The following SEC24D variants were observed in gnomAD, a reference collection of about 807,000 sequenced individuals.
SEC24D encodes the protein protein transport protein Sec24D.
SEC24D carries 69 observed loss-of-function variants against 116.9 expected under a neutral mutation model. The observed-to-expected ratio is 0.59, with a 90% CI of 0.49 to 0.72. SEC24D has a LOEUF of 0.72. Among genes scored for constraint, SEC24D ranks in the 30% least tolerant of loss-of-function variants. The pLI is 0.00. For synonymous variants in SEC24D, 405 were observed against 442.8 expected, an observed-to-expected ratio of 0.91 and a Z score of 1.07; for missense variants, 1,131 against 1,264.1, an observed-to-expected ratio of 0.89 and a Z score of 1.60.
Position 118,732,810 on chromosome 4 carries a change from C to T in SEC24D, c.2599G>A (p.Ala867Thr), listed in dbSNP as rs746890204. The T allele has an allele frequency of 2.5e-6, 4 of 1,614,016 alleles. No individual in the cohort carries two copies. Among genetic ancestry groups the T allele is most frequent in the Non-Finnish European group, 1.7e-6 (2 of 1,179,988 alleles). Residue 867 changes from alanine (A) to threonine (T), a missense_variant, in exon 20 of 23, where the codon GCA (alanine) becomes ACA (threonine). By Grantham distance (58) the Ala-to-Thr change is moderately conservative (BLOSUM62 0). Coordinates refer to ENST00000280551, the MANE Select transcript of SEC24D (RefSeq NM_014822.4). Reference protein sequence around the residue: ...SRPEISTDERAYQRQLVMTMG... With the variant: ...SRPEISTDERTYQRQLVMTMG... ...GTCATGACCAGCTGTCTCTGGTATG[C>T]TCGTTCATCAGTTGAGATCTCTGGT...
At chr4:118,768,120 T>C in intron 9 of SEC24D, 53 bp downstream of exon 9, 8 of 1,480,266 alleles carry the variant, frequency 5.4e-6, no homozygotes, top group South Asian at 1.2e-5. Context: ...AGAAGTATAA[T>C]ACATTTTAGT....
intron 13 of SEC24D, among the ~76,000 whole-genome samples, chr4:118,749,469 G>A (rs762965506): frequency 3.3e-5 from 5 of 152,158 alleles, no homozygotes; most frequent in Middle Eastern, 3.2e-3. Context: ...AATTCAAATA[G>A]GGGAGTACTG....
intron 8 of SEC24D, among the ~76,000 whole-genome samples, chr4:118,795,368 C>T (rs1000759266): frequency 2.9e-5 from 4 of 136,678 alleles, no homozygotes; most frequent in Non-Finnish European, 6.5e-5. Flanking sequence ...ACCACCATAC[C>T]GGGCTAATTT....
chr4:118,733,995 G>A (rs909531139), intron 19 of SEC24D, among the ~76,000 whole-genome samples: 1 of 151,568 alleles, frequency 6.6e-6, no homozygotes, highest in African/African-American at 2.4e-5. Context: ...AGAAATTATA[G>A]TGTCCTATAT....
intron 8 of SEC24D, 127 bp from the exon 9 acceptor site, chr4:118,768,438 A>G: frequency 1.5e-6 from 1 of 686,210 alleles, no homozygotes; most frequent in Non-Finnish European, 2.3e-6. Context: ...TCTGTCACTC[A>G]GGCTAGAGTG....
At chr4:118,743,886 G>T in intron 15 of SEC24D, 102 bp downstream of exon 15, 1 of 1,037,438 alleles carries the variant, frequency 9.6e-7, no homozygotes, top group Non-Finnish European at 1.4e-6. Flanking sequence ...ATTTATATGT[G>T]TCATCTACCC....
chr4:118,732,599 A>G (rs1725747932), intron 20 of SEC24D, 134 bp downstream of exon 20: 1 of 821,330 alleles, frequency 1.2e-6, no homozygotes, highest in Non-Finnish European at 1.9e-6. Flanking sequence ...ATCCCACACC[A>G]TATATTTTGA....
intron 13 of SEC24D, among the ~76,000 whole-genome samples, chr4:118,746,465 C>T (rs1260756131): frequency 6.6e-6 from 1 of 152,046 alleles, no homozygotes; most frequent in African/African-American, 2.4e-5. Context: ...TGAGACTCAT[C>T]CAATTTGCCC....
chr4:118,800,877 T>C (rs1476581852), intron 7 of SEC24D, among the ~76,000 whole-genome samples: 2 of 151,948 alleles, frequency 1.3e-5, no homozygotes, highest in African/African-American at 2.4e-5. Context: ...CCCAGAAAAA[T>C]TGAGTCCAGG....
chr4:118,805,082 C>A (rs1729619524), intron 7 of SEC24D, among the ~76,000 whole-genome samples: 1 of 152,066 alleles, frequency 6.6e-6, no homozygotes, highest in African/African-American at 2.4e-5. Context: ...AGTCTGAATT[C>A]TCCCAATCAA....
At chr4:118,813,258 G>C (rs1729993917) in intron 6 of SEC24D, among the ~76,000 whole-genome samples, 1 of 152,170 alleles carries the variant, frequency 6.6e-6, no homozygotes, top group Non-Finnish European at 1.5e-5. Context: ...GGAAGACCTG[G>C]AGCCACCAGA....
intron 13 of SEC24D, among the ~76,000 whole-genome samples, chr4:118,751,668 T>A (rs1306703226): frequency 6.6e-6 from 1 of 152,024 alleles, no homozygotes; most frequent in Non-Finnish European, 1.5e-5. Context: ...CTGGGGAGGG[T>A]GATATGGGAA....
chr4:118,796,637 C>T (rs1214072806), intron 8 of SEC24D, among the ~76,000 whole-genome samples: 1 of 152,204 alleles, frequency 6.6e-6, no homozygotes, highest in African/African-American at 2.4e-5. Context: ...TCTTCTTTCC[C>T]TTAGTGGACA....
intron 6 of SEC24D, among the ~76,000 whole-genome samples, chr4:118,812,245 A>G (rs1359166821): frequency 1.3e-5 from 2 of 152,150 alleles, no homozygotes; most frequent in Non-Finnish European, 2.9e-5. Flanking sequence ...AGATATGTCC[A>G]TGTCCTAATC....
At chr4:118,791,617 C>T (rs533137710) in intron 8 of SEC24D, among the ~76,000 whole-genome samples, 40 of 151,834 alleles carry the variant, frequency 2.6e-4, no homozygotes, top group Non-Finnish European at 5.3e-4. Context: ...CTCACTGCAA[C>T]CTCCCTGCCT....
intron 6 of SEC24D, among the ~76,000 whole-genome samples, chr4:118,810,137 T>TGTGTGTGTGTGTGTGTGTGTGAG (rs56961502): frequency 9.6e-6 from 1 of 104,280 alleles, no homozygotes; most frequent in Non-Finnish European, 2.1e-5. Flanking sequence ...TGTGTGTGTG[T>TGTGTGTGTGTGTGTGTGTGTGAG]CAGAGGGTAT....
intron 8 of SEC24D, chr4:118,769,927 A>C (rs1727817542): frequency 6.6e-6 from 1 of 152,138 alleles, no homozygotes; most frequent in African/African-American, 2.4e-5. Flanking sequence ...GTAGTTGGAA[A>C]ATTTTTATCC....
chr4:118,823,466 AC>A lies in SEC24D; in HGVS notation c.248+1153del, dbSNP rs368278677. 2.2e-3 allele frequency among the ~76,000 whole-genome samples: 328 copies of A among 152,314 alleles called. 3 individuals carry two copies. The highest frequency in any genetic ancestry group is 7.6e-3 in the African/African-American group (316 of 41,572). On this transcript the variant is annotated intron_variant, in intron 3 of 22. Coordinates refer to ENST00000280551, the MANE Select transcript of SEC24D (RefSeq NM_014822.4). ...TTCACCATTAGGAGGATCTACAGTC[AC>A]ATCTAGGGGGTACTGCCCATGCCTC... is the stretch of plus-strand genomic sequence containing the variant.
In SEC24D at chr4:118,739,267, T is replaced by C. The variant is rs748592701; in HGVS notation, c.2259A>G (p.Thr753=). Residue 753 remains threonine (T), a synonymous_variant, in exon 18 of 23, where the codon ACA becomes ACG. Transcript: ENST00000280551. ...TCCGAAGTCTTCTTTGACCACTGAT[T>C]GTCGTGTAAAGCACAGCACACTGTA... ...ALIQCAVLYT[T]ISGQRRLRIH... 6.2e-7 allele frequency: 1 copy of C among 1,613,548 alleles called. No individual in the cohort carries two copies. The highest frequency in any genetic ancestry group is 8.5e-7 in the Non-Finnish European group (1 of 1,179,642).
Sources: gnomAD v4.1 joint callset for allele counts (sites outside exome capture counted in the v4.1 genomes callset) on GRCh38, gnomAD v4.1.1 for gene constraint, MANE v1.5 for transcripts, NCBI Gene and HGNC (gene_info 2026-07-23, HGNC 2026-07-21) for gene names.